Variants in SEMA5A observed in about 807,000 individuals in gnomAD.
The protein encoded by SEMA5A is semaphorin-5A.
Under a neutral mutation model 135.5 loss-of-function variants are expected in SEMA5A, and 55 were observed. The ratio of observed to expected loss-of-function variants is 0.41; its 90% CI spans 0.33 to 0.51. SEMA5A has a LOEUF of 0.51. SEMA5A is among the 20% of genes least tolerant of loss of function. The probability of loss-of-function intolerance (pLI) is 0.37; values close to 1 mark genes in which losing one functional copy is unlikely to be tolerated. For missense variants in SEMA5A, 1,290 were observed against 1,419.9 expected (o/e 0.91, Z 1.47); for synonymous variants, 580 against 546.5 (o/e 1.06, Z -0.85).
chr5:9,369,287 C>A (rs570532235), intron 3 of SEMA5A, among the ~76,000 whole-genome samples: 1 of 152,090 alleles, frequency 6.6e-6, no homozygotes, highest in Non-Finnish European at 1.5e-5. Flanking sequence ...TATTCCCACA[C>A]AGTGTATGGC....
At chr5:9,320,491 C>G (rs930386848) in intron 4 of SEMA5A, among the ~76,000 whole-genome samples, 5 of 152,208 alleles carry the variant, frequency 3.3e-5, no homozygotes, top group Admixed American at 6.5e-5. Flanking sequence ...GGGCCAATCA[C>G]TTGAGTCCTG....
intron 1 of SEMA5A, among the ~76,000 whole-genome samples, chr5:9,463,856 C>A (rs1177261667): frequency 1.3e-5 from 2 of 152,170 alleles, no homozygotes; most frequent in Non-Finnish European, 2.9e-5. Flanking sequence ...GTACTCCACA[C>A]CCCCCTGAAG....
At chr5:9,489,877 T>C (rs914058744) in intron 1 of SEMA5A, among the ~76,000 whole-genome samples, 1 of 152,178 alleles carries the variant, frequency 6.6e-6, no homozygotes, top group Non-Finnish European at 1.5e-5. Flanking sequence ...GGCTATGTGA[T>C]GTCAAACTTT....
chr5:9,112,846 T>A (rs922635927), intron 15 of SEMA5A, among the ~76,000 whole-genome samples: 4 of 152,244 alleles, frequency 2.6e-5, no homozygotes, highest in African/African-American at 9.6e-5. Flanking sequence ...GTCATTATGT[T>A]ACATAGATTG....
At chr5:9,352,774 G>GT in intron 3 of SEMA5A, among the ~76,000 whole-genome samples, 1 of 152,208 alleles carries the variant, frequency 6.6e-6, no homozygotes, top group South Asian at 2.1e-4. Context: ...CCCATCACCT[G>GT]TTTTTGTTAA....
intron 12 of SEMA5A, among the ~76,000 whole-genome samples, chr5:9,142,821 G>A (rs148360679): frequency 2.1e-4 from 32 of 152,260 alleles, no homozygotes; most frequent in African/African-American, 6.0e-4. Context: ...AAAATTAACC[G>A]GGCATGATGG....
At chr5:9,077,718 C>T (rs1738144288) in intron 16 of SEMA5A, among the ~76,000 whole-genome samples, 1 of 152,168 alleles carries the variant, frequency 6.6e-6, no homozygotes, top group African/African-American at 2.4e-5. Context: ...TAACTGACAC[C>T]CTCACTGGCT....
At chr5:9,486,452 TA>T (rs958531421) in intron 1 of SEMA5A, among the ~76,000 whole-genome samples, 9 of 151,958 alleles carry the variant, frequency 5.9e-5, no homozygotes, top group African/African-American at 2.2e-4. Flanking sequence ...CAAAAATAAA[TA>T]AACAAATAAA....
chr5:9,359,749 C>T (rs1210845207), intron 3 of SEMA5A, among the ~76,000 whole-genome samples: 1 of 152,124 alleles, frequency 6.6e-6, no homozygotes, highest in South Asian at 2.1e-4. Context: ...ATTAGAGTAA[C>T]TCTCAAATAT....
Position 9,051,945 on chromosome 5 carries a change from G to C in SEMA5A, c.2773C>G (p.Pro925Ala). 6.2e-7 allele frequency: 1 copy of C among 1,614,180 alleles called. No individual in the cohort carries two copies. The highest frequency in any genetic ancestry group is 8.5e-7 in the Non-Finnish European group (1 of 1,180,030). Residue 925 changes from proline to alanine, a missense_variant, in exon 20 of 23, where the codon CCC becomes GCC. This residue lies in a region of SEMA5A where 1,029 missense variants were observed against 1,086.6 expected (regional missense o/e 0.95). Transcript: ENST00000382496. Reference protein sequence around the residue: ...VRARQCILLFPMGSQCSGNTT... With the variant: ...VRARQCILLFAMGSQCSGNTT... ...TTCCCGGAGCACTGGCTGCCCATGGGGAACAGGAGGATGCACTGGCGGGCG... is the reference window on the plus strand; with the variant it reads ...TTCCCGGAGCACTGGCTGCCCATGGCGAACAGGAGGATGCACTGGCGGGCG...
chr5:9,207,896 G>GATAC (rs1408099801), intron 8 of SEMA5A, among the ~76,000 whole-genome samples: 1 of 25,266 alleles, frequency 4.0e-5, no homozygotes, highest in Non-Finnish European at 8.3e-5. Flanking sequence ...TAGATAGATA[G>GATAC]ATACATAGAT....
At chr5:9,333,467 C>T (rs1188911272) in intron 4 of SEMA5A, among the ~76,000 whole-genome samples, 1 of 152,182 alleles carries the variant, frequency 6.6e-6, no homozygotes, top group East Asian at 1.9e-4. Flanking sequence ...ACTTGCCACC[C>T]TTAGAATGAA....
intron 1 of SEMA5A, among the ~76,000 whole-genome samples, chr5:9,500,830 C>T (rs1371285993): frequency 1.3e-5 from 2 of 152,148 alleles, no homozygotes; most frequent in Non-Finnish European, 2.9e-5. Flanking sequence ...GCTACAATTC[C>T]AAGCACACTT....
intron 13 of SEMA5A, among the ~76,000 whole-genome samples, chr5:9,129,444 T>C (rs935446325): frequency 2.0e-5 from 3 of 152,370 alleles, no homozygotes; most frequent in African/African-American, 2.4e-5. Context: ...TACATGGGTC[T>C]TTGGGTGCAG....
At chr5:9,420,405 C>A (rs1757423890) in intron 2 of SEMA5A, among the ~76,000 whole-genome samples, 1 of 152,098 alleles carries the variant, frequency 6.6e-6, no homozygotes, top group Non-Finnish European at 1.5e-5. Context: ...CACAGGGAGC[C>A]TTTTTGACTT....
chr5:9,047,554 T>C (rs190274170), intron 21 of SEMA5A, among the ~76,000 whole-genome samples: 2 of 152,320 alleles, frequency 1.3e-5, no homozygotes, highest in Admixed American at 6.5e-5. Context: ...TTTCTGCTGT[T>C]GATTTTGATC....
At chr5:9,237,358 C>T (rs890141612) in intron 6 of SEMA5A, among the ~76,000 whole-genome samples, 3 of 152,110 alleles carry the variant, frequency 2.0e-5, no homozygotes, top group Admixed American at 6.5e-5. Flanking sequence ...TCTATAGGAA[C>T]ATGGGATGTA....
At chr5:9,424,581 C>T (rs778819464) in intron 2 of SEMA5A, among the ~76,000 whole-genome samples, 4 of 152,082 alleles carry the variant, frequency 2.6e-5, no homozygotes, top group Admixed American at 6.5e-5. Context: ...CTCTCTAGAC[C>T]CGATGAGAAA....
rs1750372486 is a variant in SEMA5A, at chr5:9,278,370, A to G, written c.270+40002T>C. ...AAAGTGTATGTTCATATGCATGAAC[A>G]AAGAGATTATCTGAAATTGGAACTT... On this transcript the variant is annotated intron_variant, in intron 5 of 22. Transcript: ENST00000382496. Among the ~76,000 whole-genome samples, 3 of 152,250 alleles carry G rather than the reference A, an allele frequency of 2.0e-5. No homozygotes were observed. The South Asian group carries it at 6.2e-4, about 32-fold the overall frequency.
Sources: allele counts gnomAD v4.1 joint callset (sites outside exome capture counted in the v4.1 genomes callset), GRCh38; gene constraint gnomAD v4.1.1; regional missense constraint gnomAD v4.1.1; transcripts MANE v1.5; gene names NCBI Gene and HGNC (gene_info 2026-07-23, HGNC 2026-07-21).